Variants in MFSD12 observed in about 807,000 individuals in gnomAD.
MFSD12 encodes major facilitator superfamily domain containing 12.
MFSD12 carries 67 observed loss-of-function variants against 51.2 expected under a neutral mutation model. That is an observed-to-expected ratio of 1.31 (90% CI 1.08 to 1.60). The LOEUF is 1.60. Among genes scored for constraint, MFSD12 ranks in the 40% most tolerant of loss-of-function variants. MFSD12 has a pLI of 0.00. For missense variants in MFSD12, 921 were observed against 673.0 expected (o/e 1.37, Z -4.08); for synonymous variants, 441 against 316.7 (o/e 1.39, Z -4.17).
chr19:3,542,497 A>G (rs2033122342), downstream of MFSD12: 2 of 975,818 alleles, frequency 2.0e-6, no homozygotes, highest in Non-Finnish European at 2.4e-6. Flanking sequence ...TTTTTGAGAC[A>G]GAGTCTCACT....
chr19:3,539,181 C>T (rs1366484522), intron 4 of MFSD12: 1 of 1,549,868 alleles, frequency 6.5e-7, no homozygotes, highest in South Asian at 1.2e-5. Context: ...GGCAGACATG[C>T]AAACCCTCAG....
intron 1 of MFSD12, among the ~76,000 whole-genome samples, chr19:3,556,098 C>T (rs956973443): frequency 3.3e-5 from 5 of 152,226 alleles, no homozygotes; most frequent in African/African-American, 4.8e-5. Context: ...ACCCCTGACC[C>T]TCCAGTCCCA....
At position 3,550,958 on chromosome 19, in the gene MFSD12, G is replaced by A. The variant is rs111748859; in HGVS notation, c.509+26C>T. The A allele has an allele frequency of 1.7e-4, 264 of 1,598,494 alleles. 1 individual carries two copies. In the African/African-American group the frequency reaches 2.7e-3, roughly 16 times the overall value. ...CACCGAGCCGGGGCCCACCCTGCCCGTGGGGGAGGGTGCCCAGGCTCCCAC... is the reference window on the plus strand; with the variant it reads ...CACCGAGCCGGGGCCCACCCTGCCCATGGGGGAGGGTGCCCAGGCTCCCAC... On this transcript the variant is annotated intron_variant, in intron 2 of 9. Coordinates refer to ENST00000355415, the MANE Select transcript of MFSD12 (RefSeq NM_174983.5).
intron 8 of MFSD12, 63 bp downstream of exon 8, chr19:3,545,986 CCAGACCCAGAACACTGCTGGACACA>C: frequency 7.1e-7 from 1 of 1,416,008 alleles, no homozygotes; most frequent in East Asian, 2.3e-5. Context: ...AGCTGGATGC[CCAGACCCAGAACACTGCTGGACACA>C]CAGCAGGCGC....
chr19:3,554,274 T>G (rs1443462785), intron 1 of MFSD12, among the ~76,000 whole-genome samples: 1 of 150,514 alleles, frequency 6.6e-6, no homozygotes, highest in Non-Finnish European at 1.5e-5. Context: ...TTGCCTCTAC[T>G]AAAAATTTAA....
At position 3,557,268 on chromosome 19, in the gene MFSD12, A is replaced by G; in HGVS notation, c.136T>C (p.Tyr46His). ...ASMWFTYLLL[Y>H]LHSVRAYSSR... ...CTGTAGGCGCGCACCGAGTGCAGGTAGAGCAGCAGGTAGGTGAACCACATG... is the reference window on the plus strand; with the variant it reads ...CTGTAGGCGCGCACCGAGTGCAGGTGGAGCAGCAGGTAGGTGAACCACATG... The change falls in exon 1 of 10, where the codon TAC (tyrosine) becomes CAC (histidine). Residue 46 changes from tyrosine (Y) to histidine (H), a missense_variant. By Grantham distance (83) the Tyr-to-His change is moderately conservative (BLOSUM62 2). Coordinates refer to ENST00000355415, the MANE Select transcript of MFSD12 (RefSeq NM_174983.5). The G allele has an allele frequency of 3.8e-6, 6 of 1,598,308 alleles. No individual in the cohort carries two copies. The highest frequency in any genetic ancestry group is 5.1e-6 in the Non-Finnish European group (6 of 1,173,874).
rs1038768690 is a variant in MFSD12, at chr19:3,551,902, C to A, written c.299-708G>T. ...TGCAGGACCTCTTCAACATGCCAGG[C>A]GGTCCTGCCCCCGGGCCTTTGCATG... On this transcript the variant is annotated intron_variant, in intron 1 of 9. Transcript: ENST00000355415. The surrounding 1 kb of genome is among the most constrained non-coding windows in gnomAD (Gnocchi z 4.6). Among the ~76,000 whole-genome samples, 1 of 152,162 alleles carries A rather than the reference C, an allele frequency of 6.6e-6. No individual in the cohort carries two copies. The highest frequency in any genetic ancestry group is 1.5e-5 in the Non-Finnish European group (1 of 68,038).
At chr19:3,545,373 A>C (rs1318215385) in intron 8 of MFSD12, among the ~76,000 whole-genome samples, 4 of 151,812 alleles carry the variant, frequency 2.6e-5, no homozygotes, top group Admixed American at 2.0e-4. Flanking sequence ...CCCATGGCCC[A>C]CCAGGCCCTG....
Position 3,546,174 on chromosome 19 carries a change from G to T in MFSD12, c.1195-6C>A. 6.2e-7 allele frequency: 1 copy of T among 1,612,548 alleles called. No individual in the cohort carries two copies. The highest frequency in any genetic ancestry group is 8.5e-7 in the Non-Finnish European group (1 of 1,179,562). On this transcript the variant is annotated splice_region_variant and splice_polypyrimidine_tract_variant and intron_variant, in intron 7 of 9. Coordinates refer to ENST00000355415, the MANE Select transcript of MFSD12 (RefSeq NM_174983.5). ...TACACGAACGCTCCGCTGTTCTGTG[G>T]AGACACAGGCGAGGTGGTCAGCGTG... is the stretch of plus-strand genomic sequence containing the variant.
At chr19:3,556,890 G>A (rs1568264647) in intron 1 of MFSD12, among the ~76,000 whole-genome samples, 1 of 152,208 alleles carries the variant, frequency 6.6e-6, no homozygotes, top group Admixed American at 6.5e-5. Flanking sequence ...CAGACAGAGG[G>A]GTGAAAACTC....
intron 6 of MFSD12, 78 bp downstream of exon 6, chr19:3,547,194 G>C (rs1202252231): frequency 1.5e-6 from 2 of 1,306,092 alleles, no homozygotes; most frequent in African/African-American, 2.9e-5. Context: ...TCCGAGGATG[G>C]AACCCGGAGC....
chr19:3,549,379 A>T (rs1403743349), intron 2 of MFSD12, among the ~76,000 whole-genome samples: 1 of 152,154 alleles, frequency 6.6e-6, no homozygotes, highest in Non-Finnish European at 1.5e-5. Context: ...AGGGAAAGGG[A>T]CTTCGCAGTG....
At chr19:3,543,546 C>T, downstream of MFSD12, 1 of 1,532,544 alleles carries the variant, frequency 6.5e-7, no homozygotes, top group Non-Finnish European at 8.8e-7. Flanking sequence ...AGCCCCCGCC[C>T]CACCGCAGCC....
intron 4 of MFSD12, chr19:3,539,072 G>C: frequency 1.4e-6 from 1 of 708,250 alleles, no homozygotes; most frequent in Non-Finnish European, 2.5e-6. Flanking sequence ...CCCGCAGCTG[G>C]GAGGAGGGAG....
At chr19:3,543,884 GCCCT>G (rs759036676), downstream of MFSD12, 15 of 1,550,674 alleles carry the variant, frequency 9.7e-6, no homozygotes, top group Non-Finnish European at 1.2e-5. Context: ...CAGACTACGT[GCCCT>G]CCCTGTCGGC....
downstream of MFSD12, chr19:3,543,379 G>C (rs1479624086): frequency 1.3e-6 from 2 of 1,549,080 alleles, no homozygotes; most frequent in African/African-American, 1.4e-5. Context: ...GGGAAGCCTG[G>C]TACAACCTGC....
At chr19:3,552,577 C>A (rs1322447352) in intron 1 of MFSD12, among the ~76,000 whole-genome samples, 2 of 150,912 alleles carry the variant, frequency 1.3e-5, no homozygotes, top group Non-Finnish European at 2.9e-5. Context: ...CTAGCTCAAG[C>A]CATTCTCCCA....
rs1247277462 is a variant in MFSD12 at position 3,546,144 on chromosome 19, A to G, written c.1219T>C (p.Ser407Pro). 1.9e-6 allele frequency: 3 copies of G among 1,613,130 alleles called. No individual in the cohort carries two copies. The highest frequency in any genetic ancestry group is 2.5e-6 in the Non-Finnish European group (3 of 1,179,986). The change falls in exon 8 of 10, where the codon TCC becomes CCC. Residue 407 changes from serine (S) to proline (P), a missense_variant. Ser to Pro is a moderately conservative substitution (Grantham distance 74). Coordinates refer to ENST00000355415, the MANE Select transcript of MFSD12 (RefSeq NM_174983.5). ...HTNSGAFVYG[S>P]MSFLDKVANG... ...GCCACCTTATCCAAGAAGCTCATGG[A>G]GCCGTACACGAACGCTCCGCTGTTC...
Position 3,547,988 on chromosome 19 carries a change from G to A in MFSD12, c.697C>T (p.Leu233=). Residue 233 remains leucine, a synonymous_variant, in exon 4 of 10, where the codon CTG becomes TTG. Coordinates refer to ENST00000355415, the MANE Select transcript of MFSD12 (RefSeq NM_174983.5). ...TCCCGGGTGCCCAGGTGGAATAGCA[G>A]TGAGAACACGGCGCCGACACCCACC... The part of the protein sequence containing the change: ...LVVGVGAVFS[L]LFHLGTRERR... The A allele has an allele frequency of 6.3e-7, 1 of 1,599,278 alleles. No homozygotes were observed. The highest frequency in any genetic ancestry group is 8.5e-7 in the Non-Finnish European group (1 of 1,179,368).
Sources: allele counts gnomAD v4.1 joint callset (sites outside exome capture counted in the v4.1 genomes callset), GRCh38; gene constraint gnomAD v4.1.1; non-coding constraint Gnocchi (gnomAD v3.1); transcripts MANE v1.5; gene names NCBI Gene and HGNC (gene_info 2026-07-23, HGNC 2026-07-21).